The following DAB1 variants were observed in gnomAD, a reference collection of about 807,000 sequenced individuals.
The protein encoded by DAB1 is disabled homolog 1.
DAB1 carries 15 observed loss-of-function variants against 64.6 expected under a neutral mutation model. The ratio of observed to expected loss-of-function variants is 0.23; its 90% CI spans 0.16 to 0.36. The LOEUF is 0.36. DAB1 is among the 10% of genes least tolerant of loss of function. The pLI is 1.00. For synonymous variants in DAB1, 235 were observed against 251.9 expected, an observed-to-expected ratio of 0.93 and a Z score of 0.64; for missense variants, 596 against 706.7, an observed-to-expected ratio of 0.84 and a Z score of 1.78.
chr1:57,837,985 C>T (rs951327239), intron 1 of DAB1, among the ~76,000 whole-genome samples: 17 of 152,062 alleles, frequency 1.1e-4, no homozygotes, highest in Admixed American at 5.9e-4. Context: ...CATCATTTCC[C>T]CCCACTGTTA....
intron 5 of DAB1, among the ~76,000 whole-genome samples, chr1:57,995,322 C>T (rs995332223): frequency 6.6e-6 from 1 of 152,180 alleles, no homozygotes; most frequent in Non-Finnish European, 1.5e-5. Flanking sequence ...AAAGGGACTT[C>T]TCCTGACAGA....
At chr1:58,372,226 C>A (rs1644270743) in intron 3 of DAB1, among the ~76,000 whole-genome samples, 1 of 152,238 alleles carries the variant, frequency 6.6e-6, no homozygotes. Flanking sequence ...GGGAGCCCAC[C>A]CTTTGCATCA....
At chr1:57,760,128 A>C (rs1362543923) in intron 6 of DAB1, among the ~76,000 whole-genome samples, 1 of 152,106 alleles carries the variant, frequency 6.6e-6, no homozygotes, top group Non-Finnish European at 1.5e-5. Flanking sequence ...AGAATAGCAC[A>C]GTCTAAGCTT....
chr1:57,056,522 A>G (rs1361349820), intron 9 of DAB1, among the ~76,000 whole-genome samples: 2 of 148,294 alleles, frequency 1.3e-5, no homozygotes, highest in South Asian at 2.2e-4. Context: ...AAAAAAAAAG[A>G]AAAAAAAGAA....
chr1:57,512,398 A>G lies in DAB1; in HGVS notation n.625+137194T>C, dbSNP rs572081243. Among the ~76,000 whole-genome samples, 8 of 152,344 alleles carry G rather than the reference A, an allele frequency of 5.3e-5. No homozygotes were observed. In the South Asian group the frequency reaches 1.7e-3, roughly 32 times the overall value. On this transcript the variant is annotated intron_variant and non_coding_transcript_variant, in intron 7 of 20. Transcript: ENST00000485760. ...AACCTATTAATAAATATTTATAGCCAGAAAGGAAGAGAACAAAGAAAAGAA... is the reference window on the plus strand; with the variant it reads ...AACCTATTAATAAATATTTATAGCCGGAAAGGAAGAGAACAAAGAAAAGAA...
intron 3 of DAB1, among the ~76,000 whole-genome samples, chr1:58,418,195 T>C (rs961301955): frequency 3.3e-5 from 5 of 152,146 alleles, no homozygotes; most frequent in African/African-American, 1.2e-4. Flanking sequence ...AGTCCAAGAG[T>C]TGCCATGTTC....
intron 7 of DAB1, among the ~76,000 whole-genome samples, chr1:57,443,453 T>C (rs895024959): frequency 6.6e-6 from 1 of 152,210 alleles, no homozygotes; most frequent in Admixed American, 6.5e-5. Context: ...TGGATGTTTT[T>C]CCTTATGCCT....
intron 11 of DAB1, among the ~76,000 whole-genome samples, chr1:57,018,661 T>C (rs1250281992): frequency 2.0e-5 from 3 of 152,208 alleles, no homozygotes; most frequent in Non-Finnish European, 2.9e-5. Flanking sequence ...GTGGATGTTT[T>C]CACTCTCTTG....
chr1:57,395,621 C>T (rs1376708989), intron 1 of DAB1, among the ~76,000 whole-genome samples: 1 of 152,180 alleles, frequency 6.6e-6, no homozygotes, highest in Non-Finnish European at 1.5e-5. Context: ...ACTACCTATA[C>T]CACAGTAGCT....
At chr1:58,453,951 G>A (rs1016499350) in intron 3 of DAB1, among the ~76,000 whole-genome samples, 8 of 151,950 alleles carry the variant, frequency 5.3e-5, no homozygotes, top group Non-Finnish European at 1.0e-4. Context: ...CCTCACACCT[G>A]CTTTCTCCTG....
At chr1:58,479,161 G>A (rs12088149) in intron 3 of DAB1, among the ~76,000 whole-genome samples, 3 of 151,928 alleles carry the variant, frequency 2.0e-5, no homozygotes, top group Admixed American at 1.3e-4. Flanking sequence ...AAAGTAGGCC[G>A]TTGCTACATT....
In DAB1 at chr1:58,512,783, A is replaced by G. The variant is rs1646100721; in HGVS notation, n.108-6574T>C. Among the ~76,000 whole-genome samples, 3 of 152,308 alleles carry G rather than the reference A, an allele frequency of 2.0e-5. No individual in the cohort carries two copies. The South Asian group carries it at 6.2e-4, about 32-fold the overall frequency. The stretch of plus-strand genomic sequence containing the variant: ...TGAGGAGTTGCTATTCAATGGATAT[A>G]AAGTCTCAGTTCTGCAAAATGAATA... On this transcript the variant is annotated intron_variant and non_coding_transcript_variant, in intron 2 of 20. Coordinates refer to the DAB1 transcript ENST00000485760.
chr1:57,516,712 A>G (rs1644467952), intron 7 of DAB1, among the ~76,000 whole-genome samples: 1 of 152,152 alleles, frequency 6.6e-6, no homozygotes, highest in Admixed American at 6.5e-5. Flanking sequence ...CTTATAAAGC[A>G]CCATCTTGAA....
At chr1:57,375,075 C>A (rs2100948286) in intron 1 of DAB1, among the ~76,000 whole-genome samples, 1 of 152,222 alleles carries the variant, frequency 6.6e-6, no homozygotes, top group African/African-American at 2.4e-5. Flanking sequence ...TTCCAGGTCC[C>A]AACCCTTCTC....
chr1:57,149,487 C>G (rs1259689847), intron 2 of DAB1, among the ~76,000 whole-genome samples: 2 of 152,142 alleles, frequency 1.3e-5, no homozygotes, highest in Admixed American at 1.3e-4. Context: ...ATGTTCTTCC[C>G]AACATCTGTT....
At chr1:57,331,516 G>GA (rs967701746) in intron 1 of DAB1, among the ~76,000 whole-genome samples, 1 of 152,128 alleles carries the variant, frequency 6.6e-6, no homozygotes, top group Non-Finnish European at 1.5e-5. Context: ...TGTGTGAGTG[G>GA]AAAAAATTCT....
At chr1:57,889,075 C>T (rs1644268846), upstream of DAB1, among the ~76,000 whole-genome samples, 1 of 152,158 alleles carries the variant, frequency 6.6e-6, no homozygotes, top group Non-Finnish European at 1.5e-5. Context: ...ACTGTATTAT[C>T]CTGGGTGAGT....
intron 4 of DAB1, among the ~76,000 whole-genome samples, chr1:58,151,868 G>A (rs1028083055): frequency 3.9e-5 from 6 of 152,170 alleles, no homozygotes; most frequent in East Asian, 3.8e-4. Flanking sequence ...TTGGAAGAAC[G>A]GTTGAAGCAA....
At chr1:58,174,259 G>T (rs1656336914) in intron 4 of DAB1, among the ~76,000 whole-genome samples, 2 of 152,288 alleles carry the variant, frequency 1.3e-5, no homozygotes, top group South Asian at 4.1e-4. Context: ...CTCTGGAGTT[G>T]GGCAACATGG....
Sources: gnomAD v4.1 joint callset for allele counts (sites outside exome capture counted in the v4.1 genomes callset) on GRCh38, gnomAD v4.1.1 for gene constraint, MANE v1.5 for transcripts, NCBI Gene and HGNC (gene_info 2026-07-23, HGNC 2026-07-21) for gene names.